ZNF385D: variants seen among roughly 807,000 people sequenced by gnomAD.
ZNF385D encodes zinc finger protein 659.
Under a neutral mutation model 35.8 loss-of-function variants are expected in ZNF385D, and 15 were observed. That is an observed-to-expected ratio of 0.42 (90% CI 0.28 to 0.64). The LOEUF (loss-of-function observed/expected upper bound fraction) is 0.64, where lower values mean the gene tolerates loss of function less well. ZNF385D is among the 30% of genes least tolerant of loss of function. The pLI is 0.23. For missense variants in ZNF385D, 474 were observed against 494.6 expected (o/e 0.96, Z 0.39); for synonymous variants, 212 against 186.8 (o/e 1.13, Z -1.10).
At chr3:22,295,154 C>T (rs1042812272) in intron 2 of ZNF385D, among the ~76,000 whole-genome samples, 3 of 151,986 alleles carry the variant, frequency 2.0e-5, no homozygotes, top group Admixed American at 6.6e-5. Context: ...CCATAGATAA[C>T]AATAAATTCT....
intron 3 of ZNF385D, among the ~76,000 whole-genome samples, chr3:22,140,592 C>A (rs1259516953): frequency 1.3e-5 from 2 of 152,154 alleles, no homozygotes; most frequent in African/African-American, 4.8e-5. Flanking sequence ...ATACCAAAGC[C>A]AGTTTCCTCA....
chr3:21,684,618 A>G (rs924238862), intron 1 of ZNF385D, among the ~76,000 whole-genome samples: 6 of 152,204 alleles, frequency 3.9e-5, no homozygotes, highest in Middle Eastern at 3.4e-3. Context: ...ACATTTTCTG[A>G]CATTTAAAAA....
intron 2 of ZNF385D, among the ~76,000 whole-genome samples, chr3:22,206,252 T>A (rs1397694487): frequency 1.3e-5 from 2 of 151,798 alleles, no homozygotes; most frequent in African/African-American, 4.8e-5. Flanking sequence ...TATATATGCA[T>A]CCAACACTGG....
intron 2 of ZNF385D, among the ~76,000 whole-genome samples, chr3:22,199,087 G>C (rs1345743773): frequency 6.6e-6 from 1 of 151,924 alleles, no homozygotes; most frequent in African/African-American, 2.4e-5. Flanking sequence ...GTAACTCTCA[G>C]AATCTCTTAG....
At chr3:21,880,466 G>C (rs1698218276) in intron 3 of ZNF385D, among the ~76,000 whole-genome samples, 1 of 151,868 alleles carries the variant, frequency 6.6e-6, no homozygotes, top group Non-Finnish European at 1.5e-5. Flanking sequence ...TGGTTTTGGG[G>C]CACCATAAAC....
Position 22,187,925 on chromosome 3 carries a change from A to C in ZNF385D, c.107-18890T>G, listed in dbSNP as rs115490589. 7.9e-3 allele frequency among the ~76,000 whole-genome samples: 1,197 copies of C among 152,178 alleles called. 13 individuals are homozygous for C. Among genetic ancestry groups the C allele is most frequent in the African/African-American group, 0.027 (1,127 of 41,504 alleles). ...AAGCTCCACACACAAGAATGTCCAC[A>C]CTCTACTCTCCAGAACCTGTGAATA... On this transcript the variant is annotated intron_variant, in intron 2 of 5. Transcript: ENST00000494108.
chr3:22,323,531 C>T (rs369166960), intron 2 of ZNF385D, among the ~76,000 whole-genome samples: 7 of 152,056 alleles, frequency 4.6e-5, no homozygotes, highest in South Asian at 2.1e-4. Context: ...AATACAAAAC[C>T]GTGAGAAGAA....
chr3:22,251,241 T>C (rs938943609), intron 2 of ZNF385D, among the ~76,000 whole-genome samples: 4 of 152,150 alleles, frequency 2.6e-5, no homozygotes, highest in Non-Finnish European at 4.4e-5. Flanking sequence ...TGCTTAAGTA[T>C]CATCTTTACA....
intron 1 of ZNF385D, among the ~76,000 whole-genome samples, chr3:21,710,457 T>G (rs1445733897): frequency 6.6e-6 from 1 of 152,198 alleles, no homozygotes; most frequent in African/African-American, 2.4e-5. Flanking sequence ...CTGAATTCCT[T>G]AAGGTGCACT....
chr3:21,605,000 A>T (rs1224722701), intron 2 of ZNF385D, among the ~76,000 whole-genome samples: 3 of 152,226 alleles, frequency 2.0e-5, no homozygotes, highest in Admixed American at 6.5e-5. Flanking sequence ...CATACCTCTG[A>T]CACTAGAGAG....
At chr3:22,293,221 C>T (rs1277714544) in intron 2 of ZNF385D, among the ~76,000 whole-genome samples, 3 of 152,038 alleles carry the variant, frequency 2.0e-5, no homozygotes, top group Admixed American at 6.6e-5. Flanking sequence ...AATTTCATTA[C>T]TTTGGAGAGC....
chr3:22,106,438 A>T (rs980957938), intron 3 of ZNF385D, among the ~76,000 whole-genome samples: 1 of 152,186 alleles, frequency 6.6e-6, no homozygotes, highest in Non-Finnish European at 1.5e-5. Flanking sequence ...TGTCTCATAC[A>T]ATACAGAGTA....
chr3:21,688,059 T>A (rs958282742), intron 1 of ZNF385D, among the ~76,000 whole-genome samples: 4 of 152,074 alleles, frequency 2.6e-5, no homozygotes. Flanking sequence ...AAATTTTTTT[T>A]AAACATCATG....
rs1559528462 is a variant in ZNF385D at position 22,338,697 on chromosome 3, C to CTT, written c.106+33752_106+33753insAA. Among the ~76,000 whole-genome samples, 34 of 131,514 alleles carry CTT rather than the reference C, an allele frequency of 2.6e-4. 3 individuals are homozygous for CTT. Among genetic ancestry groups the CTT allele is most frequent in the African/African-American group, 1.2e-3 (34 of 28,500 alleles). The allele number at this position is 131,514 out of a possible 152,430, so 86.3% of individuals were successfully genotyped here. A position where few individuals can be genotyped will look rare whatever the true frequency, so the allele number is the denominator to read the frequency against. On this transcript the variant is annotated intron_variant, in intron 2 of 5. Coordinates refer to the ZNF385D transcript ENST00000494108. ...AATGTGCAGCAAAACATATTCATCTCATTTTTTTTTTTTTTTTTTTTGAAG... is the reference window on the plus strand; with the variant it reads ...AATGTGCAGCAAAACATATTCATCTCTTATTTTTTTTTTTTTTTTTTTTGAAG...
chr3:22,006,793 T>C (rs1696237269), intron 3 of ZNF385D, among the ~76,000 whole-genome samples: 1 of 151,626 alleles, frequency 6.6e-6, no homozygotes, highest in Non-Finnish European at 1.5e-5. Flanking sequence ...TTATAAAGAA[T>C]AAAACCAAAA....
chr3:21,640,908 G>A (rs1380645975), intron 2 of ZNF385D, among the ~76,000 whole-genome samples: 4 of 152,086 alleles, frequency 2.6e-5, no homozygotes, highest in East Asian at 1.9e-4. Context: ...ATTCTTTCGT[G>A]TTTGTGACTG....
At chr3:22,019,351 T>C (rs1209335758) in intron 3 of ZNF385D, among the ~76,000 whole-genome samples, 1 of 151,974 alleles carries the variant, frequency 6.6e-6, no homozygotes, top group African/African-American at 2.4e-5. Flanking sequence ...GAAATTTCAC[T>C]GTAATTCATT....
At chr3:22,139,325 A>T (rs1191414925) in intron 3 of ZNF385D, among the ~76,000 whole-genome samples, 1 of 152,192 alleles carries the variant, frequency 6.6e-6, no homozygotes, top group Non-Finnish European at 1.5e-5. Context: ...CATATGTTTA[A>T]TGCGGCAGTA....
chr3:22,018,855 T>C (rs1004220427), intron 3 of ZNF385D, among the ~76,000 whole-genome samples: 20 of 151,858 alleles, frequency 1.3e-4, no homozygotes, highest in African/African-American at 4.6e-4. Context: ...TGGAGTTTAA[T>C]TGCTAATTTT....
Sources: allele counts gnomAD v4.1 joint callset (sites outside exome capture counted in the v4.1 genomes callset), GRCh38; gene constraint gnomAD v4.1.1; transcripts MANE v1.5; gene names NCBI Gene and HGNC (gene_info 2026-07-23, HGNC 2026-07-21).